ATP10A: variants seen among roughly 807,000 people sequenced by gnomAD.
ATP10A encodes the protein phospholipid-transporting ATPase VA.
Under a neutral mutation model 147.8 loss-of-function variants are expected in ATP10A, and 111 were observed. That is an observed-to-expected ratio of 0.75 (90% CI 0.64 to 0.88). The LOEUF (loss-of-function observed/expected upper bound fraction) is 0.88, where lower values mean the gene tolerates loss of function less well. ATP10A is among the 40% of genes least tolerant of loss of function. The pLI, the probability that ATP10A is intolerant of heterozygous loss-of-function variation, is 0.00. For missense variants in ATP10A, 1,927 were observed against 1,959.0 expected, an observed-to-expected ratio of 0.98 and a Z score of 0.31; for synonymous variants, 875 against 841.6, an observed-to-expected ratio of 1.04 and a Z score of -0.69.
At chr15:25,819,675 C>T (rs903491262) in intron 1 of ATP10A, among the ~76,000 whole-genome samples, 3 of 152,102 alleles carry the variant, frequency 2.0e-5, no homozygotes, top group Admixed American at 1.3e-4. Flanking sequence ...TGGAATCAAC[C>T]TAAGTGTCCA....
At chr15:25,735,613 T>C (rs1887223006) in intron 3 of ATP10A, among the ~76,000 whole-genome samples, 1 of 152,202 alleles carries the variant, frequency 6.6e-6, no homozygotes, top group Non-Finnish European at 1.5e-5. Flanking sequence ...GTTTACCACA[T>C]TACATCCAGT....
intron 2 of ATP10A, among the ~76,000 whole-genome samples, chr15:25,759,061 GC>G (rs535681987): frequency 3.9e-5 from 6 of 152,348 alleles, no homozygotes; most frequent in African/African-American, 1.4e-4. Flanking sequence ...AGCACCAGGG[GC>G]CACGTGCGTC....
At chr15:25,848,017 G>T (rs369819525) in intron 1 of ATP10A, among the ~76,000 whole-genome samples, 8 of 152,106 alleles carry the variant, frequency 5.3e-5, no homozygotes, top group African/African-American at 1.9e-4. Context: ...GCCAGGCATG[G>T]CAGATAGAGC....
intron 10 of ATP10A, 52 bp downstream of exon 10, chr15:25,713,622 C>T: frequency 6.5e-7 from 1 of 1,549,892 alleles, no homozygotes; most frequent in Non-Finnish European, 8.8e-7. Flanking sequence ...GGGGATATTT[C>T]TCAGGACCTC....
At chr15:25,688,979 G>C (rs540530087) in intron 15 of ATP10A, among the ~76,000 whole-genome samples, 213 of 152,282 alleles carry the variant, frequency 1.4e-3, no homozygotes, top group Non-Finnish European at 2.5e-3. Flanking sequence ...GATACCATTA[G>C]ACACAGTCCC....
intron 10 of ATP10A, 72 bp downstream of exon 10, chr15:25,713,602 G>T: frequency 7.1e-7 from 1 of 1,404,022 alleles, no homozygotes; most frequent in Non-Finnish European, 9.7e-7. Context: ...CTCAAGAGAA[G>T]GAATTGGGTG....
intron 7 of ATP10A, 70 bp from the exon 8 acceptor site, chr15:25,718,469 T>C: frequency 6.7e-7 from 1 of 1,491,914 alleles, no homozygotes; most frequent in Non-Finnish European, 9.0e-7. Context: ...AACCATTCAG[T>C]GTGTTTTAGG....
chr15:25,763,551 T>A (rs1440687432), intron 2 of ATP10A, among the ~76,000 whole-genome samples: 1 of 152,196 alleles, frequency 6.6e-6, no homozygotes, highest in African/African-American at 2.4e-5. Context: ...GTGCCCGGAT[T>A]AAAGATTGTT....
chr15:25,730,704 C>T (rs1451449021), intron 3 of ATP10A, among the ~76,000 whole-genome samples: 3 of 152,110 alleles, frequency 2.0e-5, no homozygotes, highest in African/African-American at 7.2e-5. Context: ...CAGATAATTC[C>T]TTCCATTGGC....
intron 4 of ATP10A, among the ~76,000 whole-genome samples, chr15:25,726,836 G>C (rs1412941099): frequency 6.6e-6 from 1 of 150,818 alleles, no homozygotes; most frequent in Non-Finnish European, 1.5e-5. Flanking sequence ...CGGATCACGA[G>C]ATCAGGAGAT....
At chr15:25,777,754 G>A (rs1889685057) in intron 2 of ATP10A, among the ~76,000 whole-genome samples, 1 of 149,474 alleles carries the variant, frequency 6.7e-6, no homozygotes, top group South Asian at 2.2e-4. Flanking sequence ...TGCACACCAC[G>A]ATATCTGGCA....
intron 10 of ATP10A, chr15:25,709,343 T>C (rs1901246887): frequency 6.6e-6 from 1 of 152,206 alleles, no homozygotes; most frequent in Non-Finnish European, 1.5e-5. Context: ...CCTGGTATCG[T>C]GGTAACACTC....
At chr15:25,806,905 C>T (rs952261054) in intron 1 of ATP10A, among the ~76,000 whole-genome samples, 3 of 152,166 alleles carry the variant, frequency 2.0e-5, no homozygotes, top group Admixed American at 6.5e-5. Flanking sequence ...ACTATAACTC[C>T]TTCCCTTTCT....
chr15:25,702,042 C>T lies in ATP10A; in HGVS notation c.2634G>A (p.Leu878=), dbSNP rs1341928974. ...CCCAAATCTGCAGGCCCGCTTGACG[C>T]AATTTAGAAATAGTTTCAGGGACTC... ...QDGVPETISK[L]RQAGLQIWVL... is the part of the protein sequence containing the mutation. Residue 878 remains leucine, a synonymous_variant, in exon 13 of 21, where the codon TTG becomes TTA. Coordinates refer to ENST00000555815, the MANE Select transcript of ATP10A (RefSeq NM_024490.4). 1.9e-6 allele frequency: 3 copies of T among 1,614,068 alleles called. No individual in the cohort carries two copies. The East Asian group carries it at 6.7e-5, about 36-fold the overall frequency.
intron 2 of ATP10A, among the ~76,000 whole-genome samples, chr15:25,741,483 C>G (rs1355868220): frequency 6.6e-6 from 1 of 152,202 alleles, no homozygotes; most frequent in Non-Finnish European, 1.5e-5. Flanking sequence ...GGCTCCTTAG[C>G]TCCTTACTTA....
intron 12 of ATP10A, among the ~76,000 whole-genome samples, chr15:25,706,271 G>A (rs563846616): frequency 3.9e-5 from 6 of 152,250 alleles, no homozygotes; most frequent in Admixed American, 1.3e-4. Context: ...ACCGATGCAC[G>A]ATCACCAGAG....
chr15:25,759,525 G>C lies in ATP10A; in HGVS notation c.654+21494C>G, dbSNP rs377752218. Among the ~76,000 whole-genome samples, 181 of 152,278 alleles carry C rather than the reference G, an allele frequency of 1.2e-3. 1 individual carries two copies. The highest frequency in any genetic ancestry group is 4.0e-3 in the African/African-American group (165 of 41,562). ...CTCTGCCCTTAATAGAAAACTGTGG[G>C]CCAGGTGTGGTGGCTCAGGCCTGTA... On this transcript the variant is annotated intron_variant, in intron 2 of 20. Transcript: ENST00000555815.
intron 14 of ATP10A, 61 bp from the exon 15 acceptor site, chr15:25,691,852 A>C: frequency 6.3e-7 from 1 of 1,599,710 alleles, no homozygotes; most frequent in Non-Finnish European, 8.6e-7. Context: ...AATCAAATCA[A>C]TGTGCTAGAT....
chr15:25,764,020 T>C (rs1356985296), intron 2 of ATP10A, among the ~76,000 whole-genome samples: 1 of 151,168 alleles, frequency 6.6e-6, no homozygotes, highest in African/African-American at 2.4e-5. Context: ...TAGAGAAGAA[T>C]ATGCCTCATT....
Sources: gnomAD v4.1 joint callset for allele counts (sites outside exome capture counted in the v4.1 genomes callset) on GRCh38, gnomAD v4.1.1 for gene constraint, MANE v1.5 for transcripts, NCBI Gene and HGNC (gene_info 2026-07-23, HGNC 2026-07-21) for gene names.